The following UNC5CL variants were observed in gnomAD, a reference collection of about 807,000 sequenced individuals.
UNC5CL encodes the protein UNC5C-like protein.
Under a neutral mutation model 54.1 loss-of-function variants are expected in UNC5CL, and 42 were observed. The ratio of observed to expected loss-of-function variants is 0.78; its 90% CI spans 0.61 to 1.00. The LOEUF is 1.00. Ranked by LOEUF, UNC5CL falls within the 50% of genes least tolerant of loss-of-function variation. The pLI is 0.00. For synonymous variants in UNC5CL, 285 were observed against 285.1 expected, an observed-to-expected ratio of 1.00 and a Z score of 0.00; for missense variants, 619 against 675.6, an observed-to-expected ratio of 0.92 and a Z score of 0.93.
chr6:41,033,919 G>A lies in UNC5CL; in HGVS notation c.648C>T (p.Ala216=), dbSNP rs746148490. 6.2e-7 allele frequency: 1 copy of A among 1,613,900 alleles called. No homozygotes were observed. Among genetic ancestry groups the A allele is most frequent in the Non-Finnish European group, 8.5e-7 (1 of 1,179,880 alleles). The change falls in exon 3 of 9, where the codon GCC becomes GCT. Residue 216 remains alanine (A), a synonymous_variant. Coordinates refer to ENST00000244565, the MANE Select transcript of UNC5CL (RefSeq NM_173561.3). ...GGTGGATGCGACACTCATCCCGGGA[G>A]GCGTGGGCCCCCGGCCGCCCCAGGG... is the stretch of plus-strand genomic sequence containing the variant. The part of the protein sequence containing the change: ...WRPLGRPGAH[A]SRDECRIHLS...
At chr6:41,033,849 T>C (rs1278908700) in intron 3 of UNC5CL, 32 bp downstream of exon 3, 6 of 1,596,702 alleles carry the variant, frequency 3.8e-6, no homozygotes, top group Non-Finnish European at 5.1e-6. Context: ...GAGAGATGGG[T>C]GTGGGAAGAC....
At position 41,027,213 on chromosome 6, in the gene UNC5CL, C is replaced by G. The variant is rs569270058; in HGVS notation, c.*1160G>C. 1 of 152,306 alleles carries G rather than the reference C, an allele frequency of 6.6e-6. No individual in the cohort carries two copies. The highest frequency in any genetic ancestry group is 1.9e-4 in the East Asian group (1 of 5,184). The allele number at this position is 152,306 out of a possible 1,614,324, so 9.4% of individuals were successfully genotyped here. ...TGATCCATGGGGAAAATATCCCCAC[C>G]CATCCATTCCTAGAGTAGCCCTGTC... On this transcript the variant is annotated 3_prime_UTR_variant, in exon 9 of 9. Coordinates refer to ENST00000244565, the MANE Select transcript of UNC5CL (RefSeq NM_173561.3).
intron 1 of UNC5CL, among the ~76,000 whole-genome samples, chr6:41,036,620 T>C (rs946360045): frequency 6.6e-5 from 10 of 152,198 alleles, no homozygotes; most frequent in Admixed American, 5.9e-4. Context: ...GTGAAAAGTA[T>C]TTGTAGATGA....
intron 8 of UNC5CL, 58 bp downstream of exon 8, chr6:41,030,330 G>T: frequency 6.5e-7 from 1 of 1,542,100 alleles, no homozygotes. Flanking sequence ...AGTGTCCTGA[G>T]GAACCCCATT....
Position 41,028,583 on chromosome 6 carries a change from G to A in UNC5CL, c.1347C>T (p.Cys449=), listed in dbSNP as rs770621255. 113 of 1,613,108 alleles carry A rather than the reference G, an allele frequency of 7.0e-5. No individual in the cohort carries two copies. The highest frequency in any genetic ancestry group is 9.4e-5 in the Non-Finnish European group (111 of 1,179,934). Residue 449 remains cysteine, a synonymous_variant, in exon 9 of 9, where the codon TGC becomes TGT. Coordinates refer to ENST00000244565, the MANE Select transcript of UNC5CL (RefSeq NM_173561.3). The surrounding 1 kb of genome is among the most constrained non-coding windows in gnomAD (Gnocchi z 4.3). ...GGATGGCCGCTGCGGGGCTGCGCTG[G>A]CAGGACAGGAACCTGGCCCGAGGTA... The part of the protein sequence containing the change: ...LCGMKIRFLS[C]QRSPAAAILE...
At chr6:41,036,574 C>T (rs972667542) in intron 1 of UNC5CL, among the ~76,000 whole-genome samples, 18 of 152,082 alleles carry the variant, frequency 1.2e-4, no homozygotes, top group African/African-American at 4.3e-4. Flanking sequence ...GGAAAAAGTG[C>T]CTCTTTGTGT....
chr6:41,035,263 C>T (rs985735116), intron 1 of UNC5CL, 128 bp from the exon 2 acceptor site: 6 of 624,692 alleles, frequency 9.6e-6, no homozygotes, highest in Non-Finnish European at 1.5e-5. Context: ...CACACCAATT[C>T]TTTTAACCTG....
chr6:41,032,313 T>C (rs1762463747), intron 4 of UNC5CL, among the ~76,000 whole-genome samples, 176 bp from the exon 5 acceptor site: 1 of 152,196 alleles, frequency 6.6e-6, no homozygotes, highest in Non-Finnish European at 1.5e-5. Flanking sequence ...AAGCCTTCCA[T>C]CCTTTCCTGC....
chr6:41,033,423 T>C (rs1016819278), intron 3 of UNC5CL, among the ~76,000 whole-genome samples: 8 of 152,108 alleles, frequency 5.3e-5, no homozygotes, highest in African/African-American at 1.9e-4. Context: ...CACATGGCCC[T>C]ATTCCTGTCA....
At chr6:41,031,571 C>G in intron 6 of UNC5CL, 110 bp downstream of exon 6, 1 of 1,109,236 alleles carries the variant, frequency 9.0e-7, no homozygotes, top group Non-Finnish European at 1.4e-6. Context: ...AAAGTGCCAT[C>G]TTTACCTATG....
In UNC5CL at chr6:41,030,428, T is replaced by C. The variant is rs742493; in HGVS notation, c.1294A>G (p.Arg432Gly). 0.11 allele frequency: 172,386 copies of C among 1,614,100 alleles called. 9,749 individuals are homozygous for C. The highest frequency in any genetic ancestry group is 0.11 in the Non-Finnish European group (134,926 of 1,179,970). ...CAAAGCCCCAGGTGGGAGGCCAGTC[T>C]GCGCCAGTCATTGCCGGTGATGCTG... Reference protein sequence around the residue: ...PNSITGNDWRRLASHLGLCGM... With the variant: ...PNSITGNDWRGLASHLGLCGM... Residue 432 changes from arginine (R) to glycine (G), a missense_variant, in exon 8 of 9, where the codon AGA becomes GGA. Arg to Gly is a moderately radical substitution (Grantham distance 125, BLOSUM62 -2). Transcript: ENST00000244565.
At chr6:41,036,710 G>A (rs1229195479) in intron 1 of UNC5CL, among the ~76,000 whole-genome samples, 1 of 149,040 alleles carries the variant, frequency 6.7e-6, no homozygotes, top group East Asian at 2.0e-4. Context: ...ACAGGGATAG[G>A]CAACATACAA....
chr6:41,028,300 C>G lies in UNC5CL; in HGVS notation c.*73G>C, dbSNP rs1233338513. On this transcript the variant is annotated 3_prime_UTR_variant, in exon 9 of 9. Coordinates refer to ENST00000244565, the MANE Select transcript of UNC5CL (RefSeq NM_173561.3). The surrounding 1 kb of genome is among the most constrained non-coding windows in gnomAD (Gnocchi z 4.3). The stretch of plus-strand genomic sequence containing the variant: ...TGGTGGGCACAGCCAGGAACAGCTG[C>G]TGTGTTCCTCTTAGGCGTAGGAGAA... 1.5e-6 allele frequency: 2 copies of G among 1,376,232 alleles called. No individual in the cohort carries two copies. The highest frequency in any genetic ancestry group is 2.9e-5 in the African/African-American group (2 of 69,356). 85.3% of individuals were successfully genotyped at this position (1,376,232 alleles called of 1,614,324 possible). A position where few individuals can be genotyped will look rare whatever the true frequency, so the allele number is the denominator to read the frequency against.
chr6:41,031,556 T>C lies in UNC5CL; in HGVS notation c.1119+125A>G. On this transcript the variant is annotated intron_variant, in intron 6 of 8. Transcript: ENST00000244565. The stretch of plus-strand genomic sequence containing the variant: ...CCTCAAAGAGCTGGTATGGGGGCTC[T>C]ATGGAAAGTGCCATCTTTACCTATG... 7 of 935,374 alleles carry C rather than the reference T, an allele frequency of 7.5e-6. No homozygotes were observed. The South Asian group carries it at 9.4e-5, about 13-fold the overall frequency. The allele number at this position is 935,374 out of a possible 1,614,324, so 57.9% of individuals were successfully genotyped here.
chr6:41,028,633 G>A lies in UNC5CL; in HGVS notation c.1335-38C>T, dbSNP rs923667899. ...AGGGGAGGAAGAGAAGGGTGTAGGA[G>A]CAGGGAGGGGCTCCCCCCCTGCTGC... is the stretch of plus-strand genomic sequence containing the variant. On this transcript the variant is annotated intron_variant, in intron 8 of 8. Coordinates refer to ENST00000244565, the MANE Select transcript of UNC5CL (RefSeq NM_173561.3). This position sits in a 1 kb window ranked among gnomAD's most constrained non-coding sequence, Gnocchi z 4.3. The A allele has an allele frequency of 6.3e-7, 1 of 1,588,028 alleles. No individual in the cohort carries two copies. The highest frequency in any genetic ancestry group is 1.3e-5 in the African/African-American group (1 of 74,458).
rs1186994059 is a variant in UNC5CL at position 41,028,346 on chromosome 6, C to G, written c.*27G>C. ...GAGAACAACCCCTCTCGCCCCTACA[C>G]CTCCTCCGGCCCTGCCCGCTGGGCG... On this transcript the variant is annotated 3_prime_UTR_variant, in exon 9 of 9. Coordinates refer to ENST00000244565, the MANE Select transcript of UNC5CL (RefSeq NM_173561.3). This position sits in a 1 kb window ranked among gnomAD's most constrained non-coding sequence, Gnocchi z 4.3. The G allele has an allele frequency of 6.5e-7, 1 of 1,540,004 alleles. No individual in the cohort carries two copies. The highest frequency in any genetic ancestry group is 2.0e-5 in the Admixed American group (1 of 50,536).
rs1561828457 is a variant in UNC5CL, at chr6:41,028,444, CGT to C, written c.1484_1485del (p.His495ArgfsTer14). The C allele has an allele frequency of 6.2e-7, 1 of 1,613,476 alleles. No homozygotes were observed. Among genetic ancestry groups the C allele is most frequent in the East Asian group, 2.2e-5 (1 of 44,868 alleles). On this transcript the variant is annotated frameshift_variant, in exon 9 of 9. Coordinates refer to ENST00000244565, the MANE Select transcript of UNC5CL (RefSeq NM_173561.3). LOFTEE classifies it high-confidence loss of function. This position sits in a 1 kb window ranked among gnomAD's most constrained non-coding sequence, Gnocchi z 4.3. ...CCGCGCTCGGGGCCTGGGCTGCCGC[CGT>C]GTGTCCCACTCAGGTAGTTCTGGAT... ...SAIQNYLSGT[H>X]GGSPGPERGG... is the part of the protein sequence containing the mutation.
rs747965070 is a variant in UNC5CL at position 41,031,756 on chromosome 6, G to C, written c.1052-8C>G. On this transcript the variant is annotated splice_polypyrimidine_tract_variant and splice_region_variant and intron_variant, in intron 5 of 8. Coordinates refer to ENST00000244565, the MANE Select transcript of UNC5CL (RefSeq NM_173561.3). ...AGTCCTCATTCTCATCGGCTATAAA[G>C]AGAAGGTGACAGCGTGGCCAGTGAG... 2 of 1,614,192 alleles carry C rather than the reference G, an allele frequency of 1.2e-6. No individual in the cohort carries two copies. The highest frequency in any genetic ancestry group is 1.7e-6 in the Non-Finnish European group (2 of 1,180,018).
chr6:41,038,710 C>T (rs1315340435), intron 1 of UNC5CL, among the ~76,000 whole-genome samples: 5 of 152,170 alleles, frequency 3.3e-5, no homozygotes, highest in African/African-American at 1.2e-4. Context: ...AGCGGGTCCC[C>T]GAAACGAGAG....
Sources: allele counts gnomAD v4.1 joint callset (sites outside exome capture counted in the v4.1 genomes callset), GRCh38; gene constraint gnomAD v4.1.1; non-coding constraint Gnocchi (gnomAD v3.1); transcripts MANE v1.5; gene names NCBI Gene and HGNC (gene_info 2026-07-23, HGNC 2026-07-21).